TRPC6: variants seen among roughly 807,000 people sequenced by gnomAD.
The protein encoded by TRPC6 is transient receptor potential cation channel subfamily C member 6, also known as short transient receptor potential channel 6.
Under a neutral mutation model 90.7 loss-of-function variants are expected in TRPC6, and 55 were observed. The observed-to-expected ratio is 0.61, with a 90% confidence interval of 0.49 to 0.76. The LOEUF (loss-of-function observed/expected upper bound fraction) is 0.76. TRPC6 is among the 30% of genes least tolerant of loss of function. TRPC6 has a pLI of 0.00. For synonymous variants in TRPC6, 393 were observed against 393.0 expected (o/e 1.00, Z 0.00); for missense variants, 989 against 1,122.7 (o/e 0.88, Z 1.70).
intron 10 of TRPC6, 104 bp downstream of exon 10, chr11:101,469,323 G>C (rs979325234): frequency 9.8e-5 from 67 of 686,242 alleles, no homozygotes; most frequent in Non-Finnish European, 1.6e-4. Flanking sequence ...TATTTAATGG[G>C]TCTGTTCTCT....
chr11:101,542,772 T>C (rs1286340710), intron 1 of TRPC6, among the ~76,000 whole-genome samples: 1 of 151,906 alleles, frequency 6.6e-6, no homozygotes, highest in African/African-American at 2.4e-5. Context: ...AATTTTTAAA[T>C]GAAAATAAAA....
intron 1 of TRPC6, among the ~76,000 whole-genome samples, chr11:101,530,331 A>G (rs1565231586): frequency 2.0e-5 from 3 of 152,280 alleles, no homozygotes; most frequent in African/African-American, 4.8e-5. Flanking sequence ...ATCCCACAGC[A>G]GATCCTACGA....
At chr11:101,546,777 C>CT (rs971707218) in intron 1 of TRPC6, among the ~76,000 whole-genome samples, 1 of 151,972 alleles carries the variant, frequency 6.6e-6, no homozygotes, top group African/African-American at 2.4e-5. Context: ...AAAAAGATGT[C>CT]TTTTACCAAA....
intron 1 of TRPC6, among the ~76,000 whole-genome samples, chr11:101,510,396 C>A (rs1035765586): frequency 1.7e-4 from 26 of 152,204 alleles, no homozygotes; most frequent in Non-Finnish European, 2.9e-5. Flanking sequence ...AACAACTCAG[C>A]CCATAGCTCC....
intron 1 of TRPC6, among the ~76,000 whole-genome samples, chr11:101,557,005 A>G (rs925947053): frequency 1.5e-4 from 23 of 152,192 alleles, no homozygotes; most frequent in Admixed American, 5.2e-4. Flanking sequence ...ACAAAATTCA[A>G]TATTCTTTCA....
At chr11:101,526,301 A>G (rs532349626) in intron 1 of TRPC6, among the ~76,000 whole-genome samples, 106 of 152,324 alleles carry the variant, frequency 7.0e-4, no homozygotes, top group African/African-American at 2.4e-3. Flanking sequence ...GTCGATATCC[A>G]TGCGAAATGG....
At chr11:101,559,142 A>G (rs1345316467) in intron 1 of TRPC6, among the ~76,000 whole-genome samples, 1 of 152,172 alleles carries the variant, frequency 6.6e-6, no homozygotes, top group Non-Finnish European at 1.5e-5. Context: ...CACACTATAT[A>G]AGGGGCTCAG....
At position 101,453,511 on chromosome 11, in the gene TRPC6, G is replaced by A. The variant is rs371921065; in HGVS notation, c.2644+139C>T. 2.8e-4 allele frequency: 231 copies of A among 835,696 alleles called. 3 individuals carry two copies. The South Asian group carries it at 3.0e-3, about 11-fold the overall frequency. 51.8% of individuals were successfully genotyped at this position (835,696 alleles called of 1,614,324 possible). A position where few individuals can be genotyped will look rare whatever the true frequency, so the allele number is the denominator to read the frequency against. On this transcript the variant is annotated intron_variant, in intron 12 of 12. Transcript: ENST00000344327. ...GTTCCCCACTCTTTAACAGAACGGC[G>A]GTTGGTGAGATCCTGTTCTACTTTT... is the stretch of plus-strand genomic sequence containing the variant.
At chr11:101,568,160 T>C (rs1316122424) in intron 1 of TRPC6, among the ~76,000 whole-genome samples, 1 of 152,114 alleles carries the variant, frequency 6.6e-6, no homozygotes, top group Non-Finnish European at 1.5e-5. Flanking sequence ...ATAACCAGTT[T>C]AGAGAAGAAC....
chr11:101,522,063 A>G (rs143605289), intron 1 of TRPC6, among the ~76,000 whole-genome samples: 2 of 152,304 alleles, frequency 1.3e-5, no homozygotes, highest in African/African-American at 4.8e-5. Flanking sequence ...TTGGGGGACT[A>G]TTAAGAAGGG....
At chr11:101,498,736 GGCT>G (rs1343934113) in intron 2 of TRPC6, among the ~76,000 whole-genome samples, 47 of 152,192 alleles carry the variant, frequency 3.1e-4, no homozygotes, top group Non-Finnish European at 3.8e-4. Context: ...CTTTCCAAGT[GGCT>G]GTAGAATATG....
chr11:101,583,586 C>T lies in TRPC6; in HGVS notation c.-83G>A, dbSNP rs952203795. On this transcript the variant is annotated 5_prime_UTR_variant, in exon 1 of 13. Coordinates refer to ENST00000344327, the MANE Select transcript of TRPC6 (RefSeq NM_004621.6). ...CAGCGGGGACCCGGTGCGGAGGGTT[C>T]GCGTCAGCGGCCGAACTGGACCTGG... is the stretch of plus-strand genomic sequence containing the variant. The T allele has an allele frequency of 8.0e-6, 11 of 1,380,180 alleles. No homozygotes were observed. Among genetic ancestry groups the T allele is most frequent in the Non-Finnish European group, 1.0e-5 (11 of 1,066,670 alleles). 85.5% of individuals were successfully genotyped at this position (1,380,180 alleles called of 1,614,324 possible). A position where few individuals can be genotyped will look rare whatever the true frequency, so the allele number is the denominator to read the frequency against.
intron 10 of TRPC6, among the ~76,000 whole-genome samples, chr11:101,469,208 T>C (rs1225471328): frequency 6.6e-6 from 1 of 152,212 alleles, no homozygotes; most frequent in Non-Finnish European, 1.5e-5. Context: ...TATATGTGCT[T>C]AGTATATGTC....
At chr11:101,522,454 T>C (rs1456683731) in intron 1 of TRPC6, among the ~76,000 whole-genome samples, 3 of 152,200 alleles carry the variant, frequency 2.0e-5, no homozygotes, top group African/African-American at 7.2e-5. Context: ...ACCTCTTTTC[T>C]TTATAAATTA....
intron 11 of TRPC6, among the ~76,000 whole-genome samples, chr11:101,454,088 G>A (rs753293743): frequency 6.6e-6 from 1 of 152,086 alleles, no homozygotes; most frequent in Non-Finnish European, 1.5e-5. Flanking sequence ...GGGAAATTAA[G>A]CTAATGTCTG....
intron 1 of TRPC6, among the ~76,000 whole-genome samples, chr11:101,581,308 A>T (rs990932585): frequency 1.3e-4 from 20 of 152,254 alleles, no homozygotes; most frequent in African/African-American, 4.3e-4. Flanking sequence ...GTAGCTAAAA[A>T]ATGTAATAAC....
chr11:101,583,694 A>G lies in TRPC6; in HGVS notation c.-191T>C. 3.6e-6 allele frequency: 2 copies of G among 554,742 alleles called. No homozygotes were observed. Among genetic ancestry groups the G allele is most frequent in the South Asian group, 6.7e-5 (2 of 30,052 alleles). The allele number at this position is 554,742 out of a possible 1,614,324, so 34.4% of individuals were successfully genotyped here. On this transcript the variant is annotated 5_prime_UTR_variant, in exon 1 of 13. Transcript: ENST00000344327. ...TGGCTCGCCCACTGGCCCGGGGAAA[A>G]GTCACCACTTAAGGGGGTGCAAAGA... is the stretch of plus-strand genomic sequence containing the variant.
At chr11:101,526,304 C>T (rs532767416) in intron 1 of TRPC6, among the ~76,000 whole-genome samples, 16 of 152,016 alleles carry the variant, frequency 1.1e-4, no homozygotes, top group Admixed American at 3.3e-4. Flanking sequence ...GATATCCATG[C>T]GAAATGGTAT....
intron 10 of TRPC6, among the ~76,000 whole-genome samples, chr11:101,460,340 A>C (rs892599583): frequency 6.6e-6 from 1 of 152,132 alleles, no homozygotes; most frequent in African/African-American, 2.4e-5. Flanking sequence ...TAACTTACTT[A>C]CTCATAGCCA....
Sources: gnomAD v4.1 joint callset for allele counts (sites outside exome capture counted in the v4.1 genomes callset) on GRCh38, gnomAD v4.1.1 for gene constraint, MANE v1.5 for transcripts, NCBI Gene and HGNC (gene_info 2026-07-23, HGNC 2026-07-21) for gene names.